Variants in NKAIN3 observed in about 807,000 individuals in gnomAD.
NKAIN3 encodes the protein sodium/potassium transporting ATPase interacting 3.
In NKAIN3, 25 loss-of-function variants were observed where a neutral mutation model predicts 30.2. The ratio of observed to expected loss-of-function variants is 0.83; its 90% CI spans 0.60 to 1.16. NKAIN3 has a LOEUF of 1.16. NKAIN3 is among the 50% of genes most tolerant of loss of function. NKAIN3 has a pLI of 0.00. For missense variants in NKAIN3, 225 were observed against 254.1 expected (o/e 0.89, Z 0.78); for synonymous variants, 91 against 89.6 (o/e 1.02, Z -0.09).
At chr8:62,581,223 T>C (rs1585973986) in intron 2 of NKAIN3, among the ~76,000 whole-genome samples, 1 of 152,096 alleles carries the variant, frequency 6.6e-6, no homozygotes, top group African/African-American at 2.4e-5. Context: ...GGGGGTTTCA[T>C]GGAGTTGGAC....
intron 1 of NKAIN3, among the ~76,000 whole-genome samples, chr8:62,356,838 AC>A (rs1391225603): frequency 2.0e-5 from 3 of 152,156 alleles, no homozygotes; most frequent in Non-Finnish European, 4.4e-5. Context: ...CAGGCCAGGC[AC>A]GGTGGCTCAT....
At chr8:62,307,585 A>G (rs188727326) in intron 1 of NKAIN3, among the ~76,000 whole-genome samples, 9 of 150,720 alleles carry the variant, frequency 6.0e-5, no homozygotes, top group African/African-American at 2.2e-4. Flanking sequence ...TGTGGCATGA[A>G]TTCAGTTTAA....
Position 62,894,417 on chromosome 8 carries a change from T to C in NKAIN3, c.472-24036T>C, listed in dbSNP as rs181155169. Among the ~76,000 whole-genome samples the C allele has an allele frequency of 2.9e-3, 437 of 152,320 alleles. 12 individuals carry two copies. Among genetic ancestry groups the C allele is most frequent in the Admixed American group, 0.025 (378 of 15,276 alleles). ...GAACTCAAGATTTTCACATTACTTT[T>C]GTTTTGGTTTCACTTGTTCGGTCTT... On this transcript the variant is annotated intron_variant, in intron 4 of 6. Coordinates refer to ENST00000623646, the MANE Select transcript of NKAIN3 (RefSeq NM_001304533.3).
intron 1 of NKAIN3, among the ~76,000 whole-genome samples, chr8:62,542,510 A>G (rs1161305743): frequency 6.6e-6 from 1 of 152,224 alleles, no homozygotes; most frequent in Non-Finnish European, 1.5e-5. Context: ...AAAACTAAAC[A>G]TGAATCTAGA....
intron 1 of NKAIN3, among the ~76,000 whole-genome samples, chr8:62,426,364 A>G (rs113007933): frequency 3.2e-4 from 49 of 152,090 alleles, no homozygotes; most frequent in South Asian, 8.3e-4. Context: ...GTAATTTTTT[A>G]AAAGCTAGTT....
intron 1 of NKAIN3, among the ~76,000 whole-genome samples, chr8:62,498,339 G>C (rs1231883153): frequency 6.6e-6 from 1 of 151,908 alleles, no homozygotes; most frequent in African/African-American, 2.4e-5. Context: ...TGAAATTTAA[G>C]GTTTTAAATT....
chr8:62,598,659 G>T (rs1360698897), intron 3 of NKAIN3, among the ~76,000 whole-genome samples: 1 of 151,970 alleles, frequency 6.6e-6, no homozygotes, highest in Non-Finnish European at 1.5e-5. Context: ...TGTCTGCCTA[G>T]CCAGCCTCTA....
chr8:62,271,652 C>T (rs7017869), intron 1 of NKAIN3, among the ~76,000 whole-genome samples: 92,403 of 151,958 alleles, frequency 0.61, 28,248 homozygotes, highest in East Asian at 0.68. Flanking sequence ...TATGAAGGGT[C>T]TCATTGGTGT....
chr8:62,642,228 T>C (rs575475335), intron 3 of NKAIN3, among the ~76,000 whole-genome samples: 75 of 152,168 alleles, frequency 4.9e-4, no homozygotes, highest in Non-Finnish European at 8.8e-4. Context: ...ACTGGTAAGC[T>C]TGAGGTTCCT....
In NKAIN3 at chr8:62,485,751, C is replaced by T. The variant is rs181878657; in HGVS notation, c.55-93788C>T. Among the ~76,000 whole-genome samples the T allele has an allele frequency of 9.2e-5, 14 of 152,180 alleles. No homozygotes were observed. In the East Asian group the frequency reaches 1.7e-3, roughly 19 times the overall value. ...AGGGAGAAGAGACTAAAATCTAAAC[C>T]GGACAATGATCCTGGGAAAAGAGAA... On this transcript the variant is annotated intron_variant, in intron 1 of 6. Transcript: ENST00000623646.
At chr8:62,544,228 C>A (rs1391005557) in intron 1 of NKAIN3, among the ~76,000 whole-genome samples, 1 of 152,054 alleles carries the variant, frequency 6.6e-6, no homozygotes, top group Non-Finnish European at 1.5e-5. Context: ...GTCTGAAACC[C>A]CTGGGCTCAA....
chr8:62,715,832 C>T (rs1343932636), intron 3 of NKAIN3, among the ~76,000 whole-genome samples: 1 of 152,140 alleles, frequency 6.6e-6, no homozygotes, highest in Non-Finnish European at 1.5e-5. Flanking sequence ...AGCTGGGACA[C>T]TCTGGAGCTG....
chr8:62,724,759 A>C (rs1017127230), intron 3 of NKAIN3, among the ~76,000 whole-genome samples: 8 of 152,150 alleles, frequency 5.3e-5, no homozygotes, highest in African/African-American at 1.7e-4. Flanking sequence ...TACATACCAC[A>C]TTCCCTTTAT....
At chr8:62,405,780 G>A (rs979004726) in intron 1 of NKAIN3, among the ~76,000 whole-genome samples, 1 of 152,122 alleles carries the variant, frequency 6.6e-6, no homozygotes, top group Non-Finnish European at 1.5e-5. Context: ...TGTCCAATTT[G>A]GTGTTCCCAT....
At chr8:62,451,378 T>G in intron 1 of NKAIN3, among the ~76,000 whole-genome samples, 1 of 151,022 alleles carries the variant, frequency 6.6e-6, no homozygotes, top group African/African-American at 2.4e-5. Flanking sequence ...CTTTCTCTTT[T>G]AGGTACTGCA....
intron 5 of NKAIN3, among the ~76,000 whole-genome samples, chr8:62,994,170 A>G (rs931770860): frequency 2.6e-5 from 4 of 152,258 alleles, no homozygotes; most frequent in Non-Finnish European, 4.4e-5. Flanking sequence ...CACTGCTTTC[A>G]TCGAAGCATT....
At chr8:62,928,688 T>A (rs1323041625) in intron 5 of NKAIN3, among the ~76,000 whole-genome samples, 1 of 152,230 alleles carries the variant, frequency 6.6e-6, no homozygotes, top group Non-Finnish European at 1.5e-5. Context: ...CATGTTCTTA[T>A]CCTTTCTTCC....
At chr8:62,960,632 T>C (rs1362428025) in intron 6 of NKAIN3, among the ~76,000 whole-genome samples, 1 of 151,932 alleles carries the variant, frequency 6.6e-6, no homozygotes. Context: ...TACACATATT[T>C]TGCACTTAAT....
At chr8:62,308,437 G>T (rs11988992) in intron 1 of NKAIN3, among the ~76,000 whole-genome samples, 2 of 150,504 alleles carry the variant, frequency 1.3e-5, no homozygotes, top group African/African-American at 5.0e-5. Context: ...AACTTAATTT[G>T]TGTGGTGATG....
Sources: allele counts gnomAD v4.1 joint callset (sites outside exome capture counted in the v4.1 genomes callset), GRCh38; gene constraint gnomAD v4.1.1; transcripts MANE v1.5; gene names NCBI Gene and HGNC (gene_info 2026-07-23, HGNC 2026-07-21).